Variants in DCT observed in about 807,000 individuals in gnomAD.
DCT encodes L-dopachrome tautomerase.
DCT carries 47 observed loss-of-function variants against 53.0 expected under a neutral mutation model. The observed-to-expected ratio is 0.89, with a 90% CI of 0.70 to 1.13. The LOEUF (loss-of-function observed/expected upper bound fraction) is 1.13. Among genes scored for constraint, DCT ranks in the 50% most tolerant of loss-of-function variants. The pLI, the probability that DCT is intolerant of heterozygous loss-of-function variation, is 0.00. For missense variants in DCT, 669 were observed against 637.4 expected, an observed-to-expected ratio of 1.05 and a Z score of -0.53; for synonymous variants, 244 against 237.0, an observed-to-expected ratio of 1.03 and a Z score of -0.27.
At chr13:94,443,392 T>G in intron 7 of DCT, 44 bp downstream of exon 7, 1 of 1,428,290 alleles carries the variant, frequency 7.0e-7, no homozygotes, top group African/African-American at 1.4e-5. Flanking sequence ...GCTAGCTTCT[T>G]TAGAAGATGA....
chr13:94,484,900 A>G, the DCT span, among the ~76,000 whole-genome samples: 5 of 152,094 alleles, frequency 3.3e-5, no homozygotes, highest in Non-Finnish European at 7.4e-5. Flanking sequence ...ACAGGGTGTA[A>G]ATGAAAGGGT....
chr13:94,521,445 C>A, the DCT span, among the ~76,000 whole-genome samples: 5 of 152,170 alleles, frequency 3.3e-5, no homozygotes, highest in African/African-American at 1.2e-4. Flanking sequence ...CCGAGGTGGG[C>A]GGATCACCTG....
At chr13:94,465,442 T>TGA in intron 4 of DCT, 191 bp downstream of exon 4, 1 of 314,452 alleles carries the variant, frequency 3.2e-6, no homozygotes, top group Non-Finnish European at 5.2e-6. Flanking sequence ...AATGTGATTT[T>TGA]GATATTTTTT....
the DCT span, among the ~76,000 whole-genome samples, chr13:94,512,966 A>G: frequency 6.6e-6 from 1 of 152,250 alleles, no homozygotes; most frequent in Non-Finnish European, 1.5e-5. Context: ...GAAGGTAGAA[A>G]GAAGGGCTTT....
chr13:94,519,755 C>T, the DCT span, among the ~76,000 whole-genome samples: 1 of 152,182 alleles, frequency 6.6e-6, no homozygotes, highest in African/African-American at 2.4e-5. Flanking sequence ...ACATCCCAAA[C>T]ATGTGGGTCC....
chr13:94,496,588 G>A, the DCT span, among the ~76,000 whole-genome samples: 4 of 152,156 alleles, frequency 2.6e-5, no homozygotes, highest in Non-Finnish European at 5.9e-5. Flanking sequence ...GGTATGGGCT[G>A]GTGGTAAGGG....
chr13:94,547,980 A>ATATATATAT, the DCT span, among the ~76,000 whole-genome samples: 1 of 99,190 alleles, frequency 1.0e-5, no homozygotes, highest in Admixed American at 9.7e-5. Context: ...AAAAAAAAAA[A>ATATATATAT]AAAAATATAT....
At chr13:94,454,021 G>C (rs1312075045) in intron 6 of DCT, among the ~76,000 whole-genome samples, 1 of 152,116 alleles carries the variant, frequency 6.6e-6, no homozygotes, top group Non-Finnish European at 1.5e-5. Flanking sequence ...TTGTAGCCTA[G>C]AACAGCAGAC....
chr13:94,472,535 T>C (rs1884731433), intron 1 of DCT, among the ~76,000 whole-genome samples: 1 of 23,950 alleles, frequency 4.2e-5, no homozygotes, highest in East Asian at 1.9e-3. Flanking sequence ...TATATATATA[T>C]ATATATATAT....
upstream of DCT, among the ~76,000 whole-genome samples, chr13:94,480,078 A>T (rs1885374860): frequency 2.6e-5 from 4 of 152,198 alleles, no homozygotes; most frequent in Admixed American, 2.0e-4. Flanking sequence ...ATAAAGAAAC[A>T]TTTATGTAGA....
At chr13:94,479,926 C>T (rs1885367177), upstream of DCT, among the ~76,000 whole-genome samples, 1 of 152,172 alleles carries the variant, frequency 6.6e-6, no homozygotes, top group Admixed American at 6.5e-5. Context: ...CCTCAGACAT[C>T]CTGGGGAGTC....
At position 94,461,996 on chromosome 13, in the gene DCT, C is replaced by T; in HGVS notation, c.1043+14G>A. ...TACTGTACAGGCAGGTCCAGCAGAG[C>T]TCAGAGCACCCACCTGAAACTGAAG... On this transcript the variant is annotated intron_variant, in intron 5 of 7. Coordinates refer to ENST00000377028, the MANE Select transcript of DCT (RefSeq NM_001922.5). The T allele has an allele frequency of 6.2e-7, 1 of 1,610,910 alleles. No individual in the cohort carries two copies.
intron 4 of DCT, 122 bp from the exon 5 acceptor site, chr13:94,462,311 C>T (rs1883867467): frequency 1.4e-6 from 1 of 713,330 alleles, no homozygotes; most frequent in Non-Finnish European, 2.4e-6. Context: ...AGTTTGAGAC[C>T]AGCTATGGCA....
chr13:94,450,660 T>C (rs1302613385), intron 6 of DCT, among the ~76,000 whole-genome samples: 1 of 152,218 alleles, frequency 6.6e-6, no homozygotes, highest in Non-Finnish European at 1.5e-5. Context: ...AATTAAACTC[T>C]GAACAGATGC....
At chr13:94,505,169 C>G in the DCT span, among the ~76,000 whole-genome samples, 3 of 150,670 alleles carry the variant, frequency 2.0e-5, no homozygotes, top group East Asian at 1.9e-4. Flanking sequence ...CTGGTTTGGT[C>G]TTGGGGAAAG....
the DCT span, among the ~76,000 whole-genome samples, chr13:94,492,673 AT>A: frequency 6.6e-6 from 1 of 152,126 alleles, no homozygotes; most frequent in African/African-American, 2.4e-5. Context: ...GTTTAATATA[AT>A]TTTTTTCACA....
the DCT span, among the ~76,000 whole-genome samples, chr13:94,508,415 C>T: frequency 7.9e-5 from 12 of 152,212 alleles, no homozygotes; most frequent in East Asian, 2.3e-3. Flanking sequence ...TGATCAATTC[C>T]CTTCTATTTA....
intron 6 of DCT, among the ~76,000 whole-genome samples, chr13:94,454,840 G>A (rs1883306429): frequency 6.6e-6 from 1 of 152,096 alleles, no homozygotes; most frequent in African/African-American, 2.4e-5. Flanking sequence ...CTAAAGTAAT[G>A]GTGAGTTCTG....
intron 1 of DCT, among the ~76,000 whole-genome samples, chr13:94,472,564 ATATATT>A (rs1884801152): frequency 3.3e-4 from 6 of 18,058 alleles, no homozygotes; most frequent in Admixed American, 9.4e-4. Flanking sequence ...ATATATATAT[ATATATT>A]TTTTTTTTTT....
Sources: gnomAD v4.1 joint callset for allele counts (sites outside exome capture counted in the v4.1 genomes callset) on GRCh38, gnomAD v4.1.1 for gene constraint, MANE v1.5 for transcripts, NCBI Gene and HGNC (gene_info 2026-07-23, HGNC 2026-07-21) for gene names.